The following ZNRF3 variants were observed in gnomAD, a reference collection of about 807,000 sequenced individuals.
ZNRF3 encodes the protein zinc and ring finger 3.
Under a neutral mutation model 72.5 loss-of-function variants are expected in ZNRF3, and 23 were observed. The observed-to-expected ratio is 0.32, with a 90% CI of 0.23 to 0.45. The LOEUF is 0.45. Ranked by LOEUF, ZNRF3 falls within the 20% of genes least tolerant of loss-of-function variation. ZNRF3 has a pLI of 1.00. For synonymous variants in ZNRF3, 610 were observed against 545.3 expected (o/e 1.12, Z -1.65); for missense variants, 1,169 against 1,272.1 (o/e 0.92, Z 1.23).
intron 1 of ZNRF3, among the ~76,000 whole-genome samples, chr22:28,921,373 C>T (rs1215153173): frequency 6.6e-6 from 1 of 152,174 alleles, no homozygotes; most frequent in African/African-American, 2.4e-5. Context: ...TATTCTAAAG[C>T]CCTTGACATT....
At chr22:29,036,783 C>G (rs1569291071) in intron 2 of ZNRF3, among the ~76,000 whole-genome samples, 1 of 151,574 alleles carries the variant, frequency 6.6e-6, no homozygotes, top group South Asian at 2.1e-4. Flanking sequence ...TGGAACAACC[C>G]AAATATCAGA....
chr22:29,048,453 A>T lies in ZNRF3; in HGVS notation c.977A>T (p.Gln326Leu). The T allele has an allele frequency of 6.2e-7, 1 of 1,614,176 alleles. No homozygotes were observed. Among genetic ancestry groups the T allele is most frequent in the Non-Finnish European group, 8.5e-7 (1 of 1,180,018 alleles). Residue 326 changes from glutamine (Q) to leucine (L), a missense_variant, in exon 7 of 9, where the codon CAG (glutamine) becomes CTG (leucine). By Grantham distance (113) the Gln-to-Leu change is moderately radical. Coordinates refer to ENST00000544604, the MANE Select transcript of ZNRF3 (RefSeq NM_001206998.2). This position sits in a 1 kb window ranked among gnomAD's most constrained non-coding sequence, Gnocchi z 4.9. ...AAGTGCGTGGACCCCTGGCTGCTGC[A>T]GCACCACACCTGCCCCCACTGTCGG... ...HRKCVDPWLL[Q>L]HHTCPHCRHN...
At chr22:28,997,180 G>A (rs918350567) in intron 2 of ZNRF3, among the ~76,000 whole-genome samples, 1 of 152,074 alleles carries the variant, frequency 6.6e-6, no homozygotes, top group Non-Finnish European at 1.5e-5. Context: ...GCCTTCTCTG[G>A]TCAGTGAAAC....
chr22:28,993,237 C>T (rs1453849163), intron 2 of ZNRF3, among the ~76,000 whole-genome samples: 2 of 152,200 alleles, frequency 1.3e-5, no homozygotes, highest in African/African-American at 4.8e-5. Flanking sequence ...AACCAGGCAT[C>T]TGTTATTTTA....
chr22:28,951,332 C>T (rs972296413), intron 1 of ZNRF3, among the ~76,000 whole-genome samples: 4 of 152,048 alleles, frequency 2.6e-5, no homozygotes, highest in African/African-American at 9.7e-5. Flanking sequence ...CAATTAAGGT[C>T]GTCAGGGTGG....
chr22:28,934,006 G>C (rs1274027895), intron 1 of ZNRF3, among the ~76,000 whole-genome samples: 1 of 151,762 alleles, frequency 6.6e-6, no homozygotes, highest in Non-Finnish European at 1.5e-5. Context: ...CATATTTGGG[G>C]GAAGGAACAA....
intron 3 of ZNRF3, among the ~76,000 whole-genome samples, 197 bp downstream of exon 3, chr22:29,042,766 A>AG (rs67028298): frequency 0.44 from 66,558 of 151,476 alleles, 15,145 homozygotes; most frequent in Non-Finnish European, 0.49. Flanking sequence ...ATTGGGGCAC[A>AG]GGGGGCATTT....
At chr22:28,980,091 C>CA (rs2035739639) in intron 1 of ZNRF3, among the ~76,000 whole-genome samples, 1 of 152,068 alleles carries the variant, frequency 6.6e-6, no homozygotes, top group South Asian at 2.1e-4. Flanking sequence ...TAATCCTTAA[C>CA]GATGTCTGTA....
At chr22:28,934,113 G>C (rs768791859) in intron 1 of ZNRF3, among the ~76,000 whole-genome samples, 34 of 152,140 alleles carry the variant, frequency 2.2e-4, no homozygotes, top group Non-Finnish European at 4.6e-4. Flanking sequence ...GTACTTTCCA[G>C]CTTCCAAATG....
At chr22:28,937,189 ATATATATATATATATATATATATATATTT>A (rs2034838336) in intron 1 of ZNRF3, among the ~76,000 whole-genome samples, 1 of 2,302 alleles carries the variant, frequency 4.3e-4, no homozygotes, top group African/African-American at 7.0e-4. Flanking sequence ...ATATATATAT[ATATATATATATATATATATATATATATTT>A]TTTTTTTTTT....
intron 1 of ZNRF3, among the ~76,000 whole-genome samples, chr22:28,913,395 C>G (rs2034353545): frequency 6.6e-6 from 1 of 152,184 alleles, no homozygotes; most frequent in Non-Finnish European, 1.5e-5. Flanking sequence ...TCAAAGGACT[C>G]AAGGTGCTAG....
chr22:28,912,101 A>G (rs1467038806), intron 1 of ZNRF3, among the ~76,000 whole-genome samples: 2 of 152,202 alleles, frequency 1.3e-5, no homozygotes, highest in African/African-American at 4.8e-5. Flanking sequence ...CACTTTCCAC[A>G]GGAACTAACT....
chr22:29,045,286 A>G (rs1488900231), intron 5 of ZNRF3, among the ~76,000 whole-genome samples: 1 of 150,052 alleles, frequency 6.7e-6, no homozygotes, highest in Non-Finnish European at 1.5e-5. Context: ...ACTTGAGCCT[A>G]GAGGGCAGAG....
intron 1 of ZNRF3, among the ~76,000 whole-genome samples, chr22:28,950,364 G>A (rs888345758): frequency 6.6e-6 from 1 of 152,186 alleles, no homozygotes; most frequent in Non-Finnish European, 1.5e-5. Context: ...GGTGCTTGCT[G>A]CTCTGTTGTC....
At chr22:28,929,643 A>G (rs1485690554) in intron 1 of ZNRF3, among the ~76,000 whole-genome samples, 1 of 152,216 alleles carries the variant, frequency 6.6e-6, no homozygotes, top group East Asian at 1.9e-4. Flanking sequence ...CTGAAAATCC[A>G]GAAGTGTCTA....
chr22:28,936,680 A>C (rs1309083110), intron 1 of ZNRF3, among the ~76,000 whole-genome samples: 3 of 152,160 alleles, frequency 2.0e-5, no homozygotes, highest in Non-Finnish European at 4.4e-5. Context: ...GAGTAGAAAT[A>C]AATTAAGTGG....
intron 8 of ZNRF3, among the ~76,000 whole-genome samples, chr22:29,051,380 C>T (rs1016451044): frequency 2.6e-5 from 4 of 152,044 alleles, no homozygotes; most frequent in Admixed American, 2.6e-4. Context: ...ACCATGGAGT[C>T]GGTTCATGAC....
At chr22:28,974,818 T>C (rs2035641403) in intron 1 of ZNRF3, among the ~76,000 whole-genome samples, 1 of 152,130 alleles carries the variant, frequency 6.6e-6, no homozygotes, top group African/African-American at 2.4e-5. Flanking sequence ...TTAATTTTTG[T>C]AGAGACAGGG....
At position 28,962,448 on chromosome 22, in the gene ZNRF3, C is replaced by T. The variant is rs542537021; in HGVS notation, c.301-24628C>T. On this transcript the variant is annotated intron_variant, in intron 1 of 8. Coordinates refer to ENST00000544604, the MANE Select transcript of ZNRF3 (RefSeq NM_001206998.2). ...GGCCATACTGTAATGTTCTCTGGGT[C>T]AGCTCTCCAAAAGGCACAAGCAGTC... 2.6e-5 allele frequency among the ~76,000 whole-genome samples: 4 copies of T among 152,322 alleles called. No individual in the cohort carries two copies. In the South Asian group the frequency reaches 8.3e-4, roughly 32 times the overall value.
Sources: gnomAD v4.1 joint callset for allele counts (sites outside exome capture counted in the v4.1 genomes callset) on GRCh38, gnomAD v4.1.1 for gene constraint, Gnocchi (gnomAD v3.1) non-coding constraint, MANE v1.5 for transcripts, NCBI Gene and HGNC (gene_info 2026-07-23, HGNC 2026-07-21) for gene names.